SLC16A7: variants seen among roughly 807,000 people sequenced by gnomAD.
SLC16A7 encodes the protein solute carrier family 16 member 7, also known as monocarboxylate transporter 2.
In SLC16A7, 33 loss-of-function variants were observed where a neutral mutation model predicts 34.9. The observed-to-expected ratio is 0.94, with a 90% CI of 0.72 to 1.26. SLC16A7 has a LOEUF of 1.26. Ranked by LOEUF, SLC16A7 falls within the 50% of genes most tolerant of loss-of-function variation. The pLI is 0.00. For synonymous variants in SLC16A7, 201 were observed against 206.6 expected, an observed-to-expected ratio of 0.97 and a Z score of 0.23; for missense variants, 573 against 578.1, an observed-to-expected ratio of 0.99 and a Z score of 0.09.
intron 2 of SLC16A7, chr12:59,664,561 G>T (rs1475242177): frequency 1.3e-5 from 2 of 152,080 alleles, no homozygotes; most frequent in Non-Finnish European, 2.9e-5. Flanking sequence ...CAGTATTTTT[G>T]CAATATGTTT....
At chr12:59,779,193 G>T (rs1883041434) in intron 5 of SLC16A7, among the ~76,000 whole-genome samples, 1 of 151,962 alleles carries the variant, frequency 6.6e-6, no homozygotes, top group Admixed American at 6.6e-5. Flanking sequence ...TTTACTGAGA[G>T]AAATAATTTT....
chr12:59,692,759 T>C (rs1871823870), intron 2 of SLC16A7, among the ~76,000 whole-genome samples: 1 of 152,070 alleles, frequency 6.6e-6, no homozygotes, highest in African/African-American at 2.4e-5. Flanking sequence ...TTTGTGTTAC[T>C]GACATTTTGT....
rs188941813 is a variant in SLC16A7 at position 59,778,848 on chromosome 12, C to A, written c.1181-575C>A. Among the ~76,000 whole-genome samples, 26 of 152,190 alleles carry A rather than the reference C, an allele frequency of 1.7e-4. No homozygotes were observed. The East Asian group carries it at 2.7e-3, about 16-fold the overall frequency. On this transcript the variant is annotated intron_variant, in intron 5 of 5. Transcript: ENST00000547379. ...GAGTCTAGATTCTACCACTAACTAG[C>A]TACATAACCATGCCCAGATTACTTC...
At chr12:59,714,296 G>A (rs1337046879) in intron 3 of SLC16A7, among the ~76,000 whole-genome samples, 1 of 152,160 alleles carries the variant, frequency 6.6e-6, no homozygotes, top group Non-Finnish European at 1.5e-5. Context: ...AAACAAAAGA[G>A]AAGAGGATCA....
chr12:59,743,226 CAG>C (rs1212261565), intron 3 of SLC16A7, among the ~76,000 whole-genome samples: 2 of 152,002 alleles, frequency 1.3e-5, no homozygotes, highest in Non-Finnish European at 2.9e-5. Context: ...ACTGAGGAGT[CAG>C]AACAAAAGGC....
At chr12:59,735,255 C>T (rs1163018635) in intron 3 of SLC16A7, among the ~76,000 whole-genome samples, 1 of 152,164 alleles carries the variant, frequency 6.6e-6, no homozygotes, top group Non-Finnish European at 1.5e-5. Flanking sequence ...GTATTATTCT[C>T]ATCACAAGCT....
chr12:59,646,026 C>T (rs1159956928), intron 1 of SLC16A7, among the ~76,000 whole-genome samples: 1 of 151,988 alleles, frequency 6.6e-6, no homozygotes, highest in Admixed American at 6.6e-5. Flanking sequence ...TTCTAAGCAG[C>T]AAAATGTTCA....
chr12:59,671,674 C>A (rs201937478), intron 2 of SLC16A7, among the ~76,000 whole-genome samples: 5,129 of 139,072 alleles, frequency 0.037, 119 homozygotes, highest in East Asian at 0.076. Flanking sequence ...CTCTCTCTCT[C>A]TCTCTATATA....
chr12:59,674,949 C>T (rs977187715), intron 2 of SLC16A7, among the ~76,000 whole-genome samples: 1 of 152,252 alleles, frequency 6.6e-6, no homozygotes, highest in East Asian at 1.9e-4. Context: ...TACTAAGACT[C>T]AGTTACAGGT....
chr12:59,612,604 T>A (rs1412554944), intron 1 of SLC16A7, among the ~76,000 whole-genome samples: 1 of 152,206 alleles, frequency 6.6e-6, no homozygotes, highest in Non-Finnish European at 1.5e-5. Flanking sequence ...GGAGTTTTCT[T>A]TTCTATCACA....
chr12:59,740,031 A>G (rs1878114154), intron 3 of SLC16A7, among the ~76,000 whole-genome samples: 2 of 151,576 alleles, frequency 1.3e-5, no homozygotes, highest in Non-Finnish European at 3.0e-5. Context: ...TTTGCTGTGC[A>G]GAAGCTCTTT....
chr12:59,754,348 A>G (rs1048144238), intron 3 of SLC16A7, among the ~76,000 whole-genome samples: 15 of 152,190 alleles, frequency 9.9e-5, no homozygotes, highest in Non-Finnish European at 2.1e-4. Context: ...AACAAAATTG[A>G]TAGACTGCTA....
intron 2 of SLC16A7, among the ~76,000 whole-genome samples, chr12:59,668,189 C>T (rs1869367718): frequency 6.6e-6 from 1 of 152,136 alleles, no homozygotes; most frequent in Non-Finnish European, 1.5e-5. Flanking sequence ...ACTGGGGCAC[C>T]ATCTAGTGGA....
intron 1 of SLC16A7, among the ~76,000 whole-genome samples, chr12:59,654,253 TAG>T (rs1868421448): frequency 2.0e-5 from 3 of 151,296 alleles, no homozygotes; most frequent in African/African-American, 7.3e-5. Flanking sequence ...TAATAGTTAA[TAG>T]TTATTAATAC....
chr12:59,741,076 G>A (rs1384675712), intron 3 of SLC16A7, among the ~76,000 whole-genome samples: 1 of 152,098 alleles, frequency 6.6e-6, no homozygotes, highest in Non-Finnish European at 1.5e-5. Context: ...ACAAAGAAAT[G>A]GAAGAACATT....
intron 3 of SLC16A7, among the ~76,000 whole-genome samples, chr12:59,756,303 A>G (rs552233396): frequency 2.4e-4 from 36 of 152,336 alleles, no homozygotes; most frequent in Admixed American, 2.1e-3. Flanking sequence ...ACAAACTACC[A>G]TCAGAGTGAA....
intron 2 of SLC16A7, among the ~76,000 whole-genome samples, chr12:59,666,723 A>C (rs1025321460): frequency 8.5e-5 from 13 of 152,290 alleles, no homozygotes; most frequent in Non-Finnish European, 2.9e-5. Context: ...GCCATGTGGA[A>C]CAGTGAGTCC....
intron 1 of SLC16A7, among the ~76,000 whole-genome samples, chr12:59,642,301 A>G (rs979746389): frequency 6.6e-6 from 1 of 151,992 alleles, no homozygotes; most frequent in East Asian, 1.9e-4. Flanking sequence ...TATTCTAACC[A>G]TTCTTTTTTT....
chr12:59,665,750 T>TAC (rs540590107), intron 2 of SLC16A7, among the ~76,000 whole-genome samples: 49 of 151,366 alleles, frequency 3.2e-4, no homozygotes, highest in South Asian at 8.4e-4. Flanking sequence ...TATATATATA[T>TAC]ACACACACAC....
Sources: allele counts gnomAD v4.1 joint callset (sites outside exome capture counted in the v4.1 genomes callset), GRCh38; gene constraint gnomAD v4.1.1; transcripts MANE v1.5; gene names NCBI Gene and HGNC (gene_info 2026-07-23, HGNC 2026-07-21).